The following SYTL3 variants were observed in gnomAD, a reference collection of about 807,000 sequenced individuals.
SYTL3 encodes the protein synaptotagmin like 3.
In SYTL3, 88 loss-of-function variants were observed where a neutral mutation model predicts 82.1. That is an observed-to-expected ratio of 1.07 (90% CI 0.90 to 1.28). The LOEUF is 1.28. Ranked by LOEUF, SYTL3 falls within the 50% of genes most tolerant of loss-of-function variation. SYTL3 has a pLI of 0.00. For missense variants in SYTL3, 831 were observed against 757.6 expected, an observed-to-expected ratio of 1.10 and a Z score of -1.14; for synonymous variants, 311 against 289.4, an observed-to-expected ratio of 1.07 and a Z score of -0.76.
At chr6:158,680,568 G>A (rs1778549966) in intron 5 of SYTL3, among the ~76,000 whole-genome samples, 1 of 84,142 alleles carries the variant, frequency 1.2e-5, no homozygotes, top group African/African-American at 5.8e-5. Context: ...GCAAAACCCC[G>A]TCTCTACAAA....
chr6:158,756,096 C>A (rs1789020086), intron 13 of SYTL3, among the ~76,000 whole-genome samples: 1 of 152,224 alleles, frequency 6.6e-6, no homozygotes, highest in Non-Finnish European at 1.5e-5. Context: ...TTGAGAAAAT[C>A]CAACTAATAA....
upstream of SYTL3, among the ~76,000 whole-genome samples, chr6:158,649,352 G>A (rs557217161): frequency 9.2e-5 from 14 of 152,338 alleles, no homozygotes; most frequent in South Asian, 1.0e-3. Flanking sequence ...ATGCTGAGAC[G>A]AGGTTGCTGG....
chr6:158,762,281 G>A (rs576744658), intron 16 of SYTL3, 103 bp downstream of exon 16: 12 of 794,632 alleles, frequency 1.5e-5, no homozygotes, highest in African/African-American at 7.0e-5. Context: ...CACTTAAAAC[G>A]TCTTATTTTA....
At position 158,682,355 on chromosome 6, in the gene SYTL3, C is replaced by CT. The variant is rs61526522; in HGVS notation, c.330-548dup. ...TATATGTTAATATGCTTAACATTCA[C>CT]TTTTTTTTTTTTTTTTTTTTTTGAG... On this transcript the variant is annotated intron_variant, in intron 5 of 17. Transcript: ENST00000611299. Among the ~76,000 whole-genome samples, 1,040 of 106,764 alleles carry CT rather than the reference C, an allele frequency of 9.7e-3. 55 individuals are homozygous for CT. Among genetic ancestry groups the CT allele is most frequent in the Admixed American group, 0.032 (302 of 9,530 alleles). 70.0% of individuals were successfully genotyped at this position (106,764 alleles called of 152,430 possible).
In SYTL3 at chr6:158,732,657, G is replaced by A. The variant is rs182887245; in HGVS notation, c.855+7020G>A. ...CATCTTCCAAGACCAGTTTTACCTC[G>A]TGTCTCCAATGACGAAGGAAAAATT... On this transcript the variant is annotated intron_variant, in intron 11 of 17. Coordinates refer to ENST00000611299, the MANE Select transcript of SYTL3 (RefSeq NM_001242394.2). Among the ~76,000 whole-genome samples the A allele has an allele frequency of 3.9e-5, 6 of 152,286 alleles. No homozygotes were observed. The East Asian group carries it at 5.8e-4, about 15-fold the overall frequency.
chr6:158,715,496 A>G (rs1345384230), intron 9 of SYTL3, among the ~76,000 whole-genome samples: 3 of 152,046 alleles, frequency 2.0e-5, no homozygotes, highest in African/African-American at 7.2e-5. Flanking sequence ...TGTAATACCC[A>G]GGTGGACAAC....
intron 5 of SYTL3, among the ~76,000 whole-genome samples, chr6:158,680,106 C>G (rs146391163): frequency 6.6e-6 from 1 of 152,190 alleles, no homozygotes; most frequent in Non-Finnish European, 1.5e-5. Flanking sequence ...CTGTCCCCTC[C>G]TCTAAGGATT....
rs1357247495 is a variant in SYTL3 at position 158,700,828 on chromosome 6, G to C, written c.395-6402G>C. Reference sequence around the variant, plus strand: ...AGACGGGGTTTCACTGTGTTAGCCAGGATGGTCTCGATCTCCTGACCTCAT... The same window carrying C: ...AGACGGGGTTTCACTGTGTTAGCCACGATGGTCTCGATCTCCTGACCTCAT... On this transcript the variant is annotated intron_variant, in intron 6 of 17. Coordinates refer to ENST00000611299, the MANE Select transcript of SYTL3 (RefSeq NM_001242394.2). Among the ~76,000 whole-genome samples, 7 of 152,168 alleles carry C rather than the reference G, an allele frequency of 4.6e-5. No individual in the cohort carries two copies. In the East Asian group the frequency reaches 1.4e-3, roughly 30 times the overall value.
rs1158961043 is a variant in SYTL3, at chr6:158,725,506, G to A, written c.724G>A (p.Val242Ile). 6.2e-7 allele frequency: 1 copy of A among 1,613,346 alleles called. No individual in the cohort carries two copies. The highest frequency in any genetic ancestry group is 1.7e-5 in the Admixed American group (1 of 59,712). ...ATTTCTGTTTTTCCTTCTCCAGAAG[G>A]TCAGTGCACCAGATATTCTGAAACC... ...DTAVNVTTRK[V>I]SAPDILKPLN... The change falls in exon 11 of 18, where the codon GTC becomes ATC. Residue 242 changes from valine to isoleucine, a missense_variant. Val to Ile is a conservative substitution (Grantham distance 29, BLOSUM62 3). Coordinates refer to ENST00000611299, the MANE Select transcript of SYTL3 (RefSeq NM_001242394.2).
chr6:158,665,940 T>C (rs1789996583), intron 5 of SYTL3, among the ~76,000 whole-genome samples: 1 of 151,882 alleles, frequency 6.6e-6, no homozygotes, highest in African/African-American at 2.4e-5. Context: ...TGAGACCCCA[T>C]CTCTACAAAA....
intron 7 of SYTL3, among the ~76,000 whole-genome samples, chr6:158,708,093 G>T (rs1782315274): frequency 6.6e-6 from 1 of 152,130 alleles, no homozygotes; most frequent in African/African-American, 2.4e-5. Flanking sequence ...GTGGGGCGGA[G>T]TACCCAGACT....
chr6:158,694,814 A>G (rs1171597143), intron 6 of SYTL3, among the ~76,000 whole-genome samples: 5 of 151,926 alleles, frequency 3.3e-5, no homozygotes, highest in Non-Finnish European at 7.4e-5. Context: ...ATGTCTCCTG[A>G]TGTCCTCTGA....
intron 10 of SYTL3, among the ~76,000 whole-genome samples, chr6:158,720,997 G>T (rs750137038): frequency 2.2e-4 from 34 of 152,210 alleles, no homozygotes; most frequent in Non-Finnish European, 4.6e-4. Flanking sequence ...TGTGCACATG[G>T]CCCAGAGCCT....
intron 9 of SYTL3, among the ~76,000 whole-genome samples, chr6:158,717,314 T>C (rs1404567467): frequency 6.6e-6 from 1 of 152,164 alleles, no homozygotes; most frequent in Admixed American, 6.5e-5. Context: ...ACCTGTTTTT[T>C]TTTTTTTAAC....
chr6:158,665,730 C>T (rs756487482), intron 5 of SYTL3, 117 bp downstream of exon 5: 5 of 708,018 alleles, frequency 7.1e-6, no homozygotes, highest in East Asian at 2.8e-5. Context: ...AAATGTGTAC[C>T]GAGTGCCTGA....
At chr6:158,758,065 G>A (rs1190340555) in intron 14 of SYTL3, among the ~76,000 whole-genome samples, 2 of 152,174 alleles carry the variant, frequency 1.3e-5, no homozygotes, top group Non-Finnish European at 2.9e-5. Flanking sequence ...GTACTTTGCT[G>A]TGTCCAGATC....
rs117222206 is a variant in SYTL3, at chr6:158,650,483, G to A, written c.-727+405G>A. On this transcript the variant is annotated intron_variant, in intron 1 of 17. Transcript: ENST00000611299. ...ATCGACTTTATTGTTTTGATCATCC[G>A]TAATTTCTCGTTTGGAGGTGGAACA... Among the ~76,000 whole-genome samples, 11 of 151,908 alleles carry A rather than the reference G, an allele frequency of 7.2e-5. No homozygotes were observed. The East Asian group carries it at 1.5e-3, about 21-fold the overall frequency.
intron 13 of SYTL3, 126 bp from the exon 14 acceptor site, chr6:158,757,085 C>G: frequency 2.3e-6 from 2 of 859,224 alleles, no homozygotes; most frequent in Admixed American, 3.0e-5. Context: ...TTGGACTCAG[C>G]CTGTGGGAGG....
Position 158,745,654 on chromosome 6 carries a change from A to C in SYTL3, c.1030A>C (p.Asn344His). Residue 344 changes from asparagine to histidine, a missense_variant, in exon 12 of 18, where the codon AAT becomes CAT. Transcript: ENST00000611299. ...TGGAGAAGAAAAGAAGAAAAAGTGC[A>C]ATCCGTAAGTTGTTTTTTTTAAGTT... ...AYGEEKKKKCNPYVKTYLLPD... is the reference protein window; with the variant it reads ...AYGEEKKKKCHPYVKTYLLPD... 6.3e-6 allele frequency: 10 copies of C among 1,592,652 alleles called. No homozygotes were observed. Among genetic ancestry groups the C allele is most frequent in the Non-Finnish European group, 8.5e-6 (10 of 1,172,508 alleles).
Sources: gnomAD v4.1 joint callset for allele counts (sites outside exome capture counted in the v4.1 genomes callset) on GRCh38, gnomAD v4.1.1 for gene constraint, MANE v1.5 for transcripts, NCBI Gene and HGNC (gene_info 2026-07-23, HGNC 2026-07-21) for gene names.